Variants in LMBR1 observed in about 807,000 individuals in gnomAD.
LMBR1 encodes the protein limb development membrane protein 1, also known as limb region 1 protein homolog.
Under a neutral mutation model 73.9 loss-of-function variants are expected in LMBR1, and 52 were observed. The ratio of observed to expected loss-of-function variants is 0.70; its 90% CI spans 0.56 to 0.89. The LOEUF is 0.89. Among genes scored for constraint, LMBR1 ranks in the 40% least tolerant of loss-of-function variants. The probability of loss-of-function intolerance (pLI) is 0.00; values close to 1 mark genes in which losing one functional copy is unlikely to be tolerated. For synonymous variants in LMBR1, 215 were observed against 209.4 expected, an observed-to-expected ratio of 1.03 and a Z score of -0.23; for missense variants, 539 against 579.8, an observed-to-expected ratio of 0.93 and a Z score of 0.72.
chr7:156,802,576 T>C (rs1412349083), intron 4 of LMBR1, among the ~76,000 whole-genome samples: 1 of 152,104 alleles, frequency 6.6e-6, no homozygotes, highest in African/African-American at 2.4e-5. Context: ...AATTATAACA[T>C]ATACAAATAT....
At chr7:156,745,305 C>T (rs1417120693) in intron 9 of LMBR1, among the ~76,000 whole-genome samples, 1 of 152,116 alleles carries the variant, frequency 6.6e-6, no homozygotes, top group Non-Finnish European at 1.5e-5. Flanking sequence ...ATTGTTAACT[C>T]AAGTGGGAAC....
intron 15 of LMBR1, among the ~76,000 whole-genome samples, chr7:156,707,997 A>G (rs1273331736): frequency 1.3e-5 from 2 of 152,070 alleles, no homozygotes; most frequent in African/African-American, 4.8e-5. Flanking sequence ...GTTTCAGAAT[A>G]CAAAATCAAT....
intron 1 of LMBR1, among the ~76,000 whole-genome samples, chr7:156,840,200 G>GAAC (rs1452935651): frequency 6.6e-6 from 1 of 152,200 alleles, no homozygotes; most frequent in African/African-American, 2.4e-5. Context: ...ACATAGCAGT[G>GAAC]AACAAAGTTA....
At chr7:156,869,556 A>G (rs979079254) in intron 1 of LMBR1, among the ~76,000 whole-genome samples, 1 of 152,214 alleles carries the variant, frequency 6.6e-6, no homozygotes, top group Non-Finnish European at 1.5e-5. Flanking sequence ...AAATACAAAA[A>G]ATCAGCAAAA....
At chr7:156,789,273 C>T (rs1828760712) in intron 5 of LMBR1, among the ~76,000 whole-genome samples, 1 of 152,014 alleles carries the variant, frequency 6.6e-6, no homozygotes, top group African/African-American at 2.4e-5. Context: ...TTTAATGTTT[C>T]GGTTGCTTTA....
At chr7:156,722,594 G>C (rs1326931974) in intron 15 of LMBR1, among the ~76,000 whole-genome samples, 3 of 152,066 alleles carry the variant, frequency 2.0e-5, no homozygotes, top group Non-Finnish European at 4.4e-5. Context: ...GTAATGCAGT[G>C]CGTGTTGATA....
chr7:156,781,387 C>T (rs1274849107), intron 5 of LMBR1, among the ~76,000 whole-genome samples: 1 of 152,226 alleles, frequency 6.6e-6, no homozygotes, highest in South Asian at 2.1e-4. Context: ...CCAGACTAGT[C>T]CCCCGTTAGC....
rs566440924 is a variant in LMBR1, at chr7:156,852,378, T to A, written c.67-15493A>T. Among the ~76,000 whole-genome samples the A allele has an allele frequency of 1.9e-3, 293 of 152,188 alleles. 1 individual carries two copies. Among genetic ancestry groups the A allele is most frequent in the African/African-American group, 6.8e-3 (281 of 41,534 alleles). ...AGAAAAACTAAAAAAAAATAAGAGA[T>A]TGCTTATGGAAAATACTTGGATAGG... On this transcript the variant is annotated intron_variant, in intron 1 of 16. Transcript: ENST00000353442.
At chr7:156,780,566 A>G (rs967389663) in intron 5 of LMBR1, among the ~76,000 whole-genome samples, 2 of 152,240 alleles carry the variant, frequency 1.3e-5, no homozygotes, top group Non-Finnish European at 2.9e-5. Context: ...TCACTGGTTC[A>G]CTAGTAAGGC....
intron 1 of LMBR1, among the ~76,000 whole-genome samples, chr7:156,884,928 G>T (rs548811113): frequency 6.6e-6 from 1 of 152,340 alleles, no homozygotes; most frequent in South Asian, 2.1e-4. Context: ...GACACCAGTA[G>T]AAAACAGCAG....
At chr7:156,819,786 C>T (rs1834468950) in intron 4 of LMBR1, among the ~76,000 whole-genome samples, 1 of 152,104 alleles carries the variant, frequency 6.6e-6, no homozygotes, top group Non-Finnish European at 1.5e-5. Context: ...GGAATTTTAG[C>T]AGAGGCCCAA....
chr7:156,736,333 C>A (rs747310821), intron 9 of LMBR1, among the ~76,000 whole-genome samples: 1 of 151,736 alleles, frequency 6.6e-6, no homozygotes, highest in Non-Finnish European at 1.5e-5. Context: ...TCAAATTCAG[C>A]CCATTTACAC....
At chr7:156,871,824 C>T (rs1799337234) in intron 1 of LMBR1, among the ~76,000 whole-genome samples, 2 of 152,162 alleles carry the variant, frequency 1.3e-5, no homozygotes, top group Admixed American at 1.3e-4. Flanking sequence ...GAAAAGCCCA[C>T]AGCTATCCTA....
chr7:156,858,121 G>A (rs1452183316), intron 1 of LMBR1, among the ~76,000 whole-genome samples: 2 of 141,880 alleles, frequency 1.4e-5, no homozygotes, highest in South Asian at 4.6e-4. Flanking sequence ...ATGAAAACAG[G>A]AAATCAATTT....
chr7:156,864,771 G>A (rs1798214961), intron 1 of LMBR1, among the ~76,000 whole-genome samples: 1 of 152,112 alleles, frequency 6.6e-6, no homozygotes, highest in South Asian at 2.1e-4. Context: ...CCCGACACGG[G>A]TGGATCACGA....
chr7:156,783,644 C>A (rs555046757), intron 5 of LMBR1, among the ~76,000 whole-genome samples: 1 of 152,084 alleles, frequency 6.6e-6, no homozygotes, highest in African/African-American at 2.4e-5. Context: ...AATCCTTGTA[C>A]CCAGCATCCT....
chr7:156,875,942 T>A (rs1374493222), intron 1 of LMBR1, among the ~76,000 whole-genome samples: 4 of 148,990 alleles, frequency 2.7e-5, no homozygotes, highest in African/African-American at 7.4e-5. Flanking sequence ...AGGCAACCAA[T>A]AGCACGATGA....
intron 4 of LMBR1, among the ~76,000 whole-genome samples, chr7:156,811,122 T>C (rs1013141898): frequency 9.2e-5 from 14 of 152,144 alleles, no homozygotes; most frequent in African/African-American, 3.1e-4. Context: ...CACTTTTGAA[T>C]AGTTTTCTAT....
Position 156,688,034 on chromosome 7 carries a change from G to A in LMBR1, c.1383C>T (p.Ala461=). 6.3e-7 allele frequency: 1 copy of A among 1,598,000 alleles called. No homozygotes were observed. Among genetic ancestry groups the A allele is most frequent in the Non-Finnish European group, 8.5e-7 (1 of 1,175,090 alleles). ...TSAVREELFK[A]LGLHKLHLPN... ...ACCCATAAACCTCAGGATTACCTAG[G>A]GCCTTGAAAAGTTCTTCTCGAACTG... is the stretch of plus-strand genomic sequence containing the variant. The change falls in exon 16 of 17, where the codon GCC becomes GCT. Residue 461 remains alanine (A), a synonymous_variant. Coordinates refer to ENST00000353442, the MANE Select transcript of LMBR1 (RefSeq NM_022458.4).
Sources: allele counts gnomAD v4.1 joint callset (sites outside exome capture counted in the v4.1 genomes callset), GRCh38; gene constraint gnomAD v4.1.1; transcripts MANE v1.5; gene names NCBI Gene and HGNC (gene_info 2026-07-23, HGNC 2026-07-21).